The following ARMCX4 variants were observed in gnomAD, a reference collection of about 807,000 sequenced individuals.
ARMCX4 encodes armadillo repeat-containing X-linked protein 4.
ARMCX4 carries 3 observed loss-of-function variants against 34.7 expected under a neutral mutation model. That is an observed-to-expected ratio of 0.09 (90% confidence interval 0.04 to 0.22). ARMCX4 has a LOEUF of 0.22. Among genes scored for constraint, ARMCX4 ranks in the 10% least tolerant of loss-of-function variants. ARMCX4 has a pLI of 1.00. For missense variants in ARMCX4, 1,448 were observed against 1,720.8 expected, an observed-to-expected ratio of 0.84 and a Z score of 2.81; for synonymous variants, 513 against 632.8, an observed-to-expected ratio of 0.81 and a Z score of 2.84.
intron 11 of ARMCX4, among the ~76,000 whole-genome samples, chrX:101,526,090 C>T (rs1434956005): frequency 9.0e-6 from 1 of 111,453 alleles, no homozygotes; most frequent in African/African-American, 3.3e-5. Flanking sequence ...AGAGAAAGGT[C>T]GGGTTACCCA....
downstream of ARMCX4, among the ~76,000 whole-genome samples, chrX:101,534,495 T>G (rs1935187180): frequency 9.0e-6 from 1 of 111,139 alleles, no homozygotes. Flanking sequence ...ATACTATAGT[T>G]AAAACAGTTT....
At chrX:101,510,198 A>G (rs1258846053) in intron 10 of ARMCX4, among the ~76,000 whole-genome samples, 1 of 112,196 alleles carries the variant, frequency 8.9e-6, no homozygotes, top group Non-Finnish European at 1.9e-5. Flanking sequence ...ATATACGCAT[A>G]TATTCACACA....
chrX:101,465,191 T>A (rs1323354163), intron 4 of ARMCX4, among the ~76,000 whole-genome samples: 1 of 111,515 alleles, frequency 9.0e-6, no homozygotes, highest in Non-Finnish European at 1.9e-5. Flanking sequence ...ATACCAAATA[T>A]ACCATCTATA....
At chrX:101,533,617 G>A (rs782240034), downstream of ARMCX4, among the ~76,000 whole-genome samples, 1 of 111,721 alleles carries the variant, frequency 9.0e-6, no homozygotes, top group African/African-American at 3.2e-5. Context: ...AAATGAAGCA[G>A]AATCTTAATC....
intron 4 of ARMCX4, among the ~76,000 whole-genome samples, chrX:101,478,822 T>C (rs1235347811): frequency 2.7e-5 from 3 of 111,505 alleles, no homozygotes; most frequent in African/African-American, 3.3e-5. Flanking sequence ...AACAACATTA[T>C]AGAATAAATT....
chrX:101,429,370 T>C (rs1367467592), intron 2 of ARMCX4, among the ~76,000 whole-genome samples: 2 of 102,200 alleles, frequency 2.0e-5, no homozygotes, highest in Non-Finnish European at 4.0e-5. Context: ...AGTTTCGCTC[T>C]TGTCGTCCAG....
Position 101,495,509 on chromosome X carries a change from A to C in ARMCX4, c.*47A>C. ...AATTTGAGTAATATTTTGGTTTTGC[A>C]CTCTGGAAGTAATGCACATTGTAAA... On this transcript the variant is annotated 3_prime_UTR_variant, in exon 6 of 6. Transcript: ENST00000423738. The C allele has an allele frequency of 9.3e-7, 1 of 1,069,596 alleles. No individual in the cohort carries two copies. The allele number at this position is 1,069,596 out of a possible 1,213,427, so 88.1% of individuals were successfully genotyped here.
At chrX:101,509,403 A>G (rs1400761592) in exon 9 of ARMCX4, 7 of 111,485 alleles carry the variant, frequency 6.3e-5, no homozygotes, top group African/African-American at 2.3e-4. Context: ...GTGTATATGC[A>G]AAGCACACTT....
chrX:101,492,307 C>G lies in ARMCX4; in HGVS notation c.3718C>G (p.Gln1240Glu). The G allele has an allele frequency of 8.8e-7, 1 of 1,142,706 alleles. No homozygotes were observed. The highest frequency in any genetic ancestry group is 1.2e-6 in the Non-Finnish European group (1 of 866,917). 94.2% of individuals were successfully genotyped at this position (1,142,706 alleles called of 1,213,427 possible). Residue 1240 changes from glutamine to glutamate, a missense_variant, in exon 6 of 6, where the codon CAG becomes GAG. Around this residue, in one of 2 missense-constraint regions of ARMCX4, gnomAD observed 1,343 missense variants for 1,540.7 expected, o/e 0.87. Coordinates refer to ENST00000423738, the MANE Select transcript of ARMCX4 (RefSeq NM_001256155.3). ...CATTGGAGAGCTTTGGGCTGCGGGT[C>G]AGGCCAGTGATGGGTCCTGGCCTGG... ...QAIGELWAAG[Q>E]ASDGSWPGGQ...
At chrX:101,431,006 A>G (rs782423857) in intron 2 of ARMCX4, among the ~76,000 whole-genome samples, 4 of 111,103 alleles carry the variant, frequency 3.6e-5, no homozygotes, top group Non-Finnish European at 7.5e-5. Context: ...CCTAGTTCTC[A>G]GCTCTAGGCA....
At chrX:101,522,869 AAGTT>A (rs1158150227) in intron 11 of ARMCX4, among the ~76,000 whole-genome samples, 2 of 112,516 alleles carry the variant, frequency 1.8e-5, no homozygotes, top group African/African-American at 6.4e-5. Context: ...AAAGTCTTGT[AAGTT>A]AGATAGGAGA....
At chrX:101,530,504 TA>T in intron 11 of ARMCX4, among the ~76,000 whole-genome samples, 1 of 110,277 alleles carries the variant, frequency 9.1e-6, no homozygotes, top group East Asian at 2.8e-4. Flanking sequence ...AAAATAAAAA[TA>T]AAAAAGTGGT....
intron 4 of ARMCX4, among the ~76,000 whole-genome samples, chrX:101,461,699 C>T (rs1222140364): frequency 8.9e-5 from 10 of 111,823 alleles, no homozygotes; most frequent in African/African-American, 3.2e-4. Flanking sequence ...GTTCCAATTT[C>T]TCCACATCCT....
chrX:101,493,736 A>G lies in ARMCX4; in HGVS notation c.5147A>G (p.Gln1716Arg), dbSNP rs782562173. Residue 1716 changes from glutamine to arginine, a missense_variant, in exon 6 of 6, where the codon CAG becomes CGG. By Grantham distance (43) the Gln-to-Arg change is conservative (BLOSUM62 1). Transcript: ENST00000423738. ...TGGSWARSED[Q>R]ASGRFQVSFE... ...GGATCCTGGGCTAGATCTGAGGACC[A>G]GGCCAGTGGAAGGTTCCAGGTCAGT... 1.8e-5 allele frequency: 21 copies of G among 1,151,047 alleles called. No individual in the cohort carries two copies. The South Asian group carries it at 4.0e-4, about 22-fold the overall frequency. 94.9% of individuals were successfully genotyped at this position (1,151,047 alleles called of 1,213,427 possible).
intron 10 of ARMCX4, chrX:101,509,732 T>C (rs1269738191): frequency 1.8e-5 from 2 of 111,458 alleles, no homozygotes; most frequent in African/African-American, 6.5e-5. Flanking sequence ...TCTTTTCCCC[T>C]GTGCTTTTCT....
At chrX:101,499,186 T>G (rs1314851728), downstream of ARMCX4, 1 of 111,588 alleles carries the variant, frequency 9.0e-6, no homozygotes, top group African/African-American at 3.3e-5. Context: ...TTAATCAATT[T>G]GAAAGTGCTT....
At chrX:101,425,161 G>A (rs1368243426) in intron 2 of ARMCX4, among the ~76,000 whole-genome samples, 1 of 111,609 alleles carries the variant, frequency 9.0e-6, no homozygotes, top group African/African-American at 3.3e-5. Flanking sequence ...AAAGTTAGGA[G>A]GGACTTGTGT....
chrX:101,510,061 G>A (rs782693977), intron 10 of ARMCX4, among the ~76,000 whole-genome samples: 15 of 111,440 alleles, frequency 1.3e-4, no homozygotes, highest in African/African-American at 4.2e-4. Flanking sequence ...CCCCTTTTCC[G>A]AAAACAGATA....
At chrX:101,427,755 CT>C (rs1569312518) in intron 2 of ARMCX4, among the ~76,000 whole-genome samples, 1 of 111,245 alleles carries the variant, frequency 9.0e-6, no homozygotes, top group Non-Finnish European at 1.9e-5. Context: ...GAGGCAAAAC[CT>C]TAGGGGCATC....
Sources: gnomAD v4.1 joint callset for allele counts (sites outside exome capture counted in the v4.1 genomes callset) on GRCh38, gnomAD v4.1.1 for gene constraint, gnomAD v4.1.1 regional missense constraint, MANE v1.5 for transcripts, NCBI Gene and HGNC (gene_info 2026-07-23, HGNC 2026-07-21) for gene names.